PTGFRN: variants seen among roughly 807,000 people sequenced by gnomAD.
The protein encoded by PTGFRN is prostaglandin F2 receptor negative regulator.
In PTGFRN, 35 loss-of-function variants were observed where a neutral mutation model predicts 83.2. The observed-to-expected ratio is 0.42, with a 90% CI of 0.32 to 0.56. PTGFRN has a LOEUF of 0.56. PTGFRN is among the 20% of genes least tolerant of loss of function. The pLI is 0.11. For synonymous variants in PTGFRN, 519 were observed against 498.6 expected, an observed-to-expected ratio of 1.04 and a Z score of -0.55; for missense variants, 1,051 against 1,179.5, an observed-to-expected ratio of 0.89 and a Z score of 1.60.
chr1:116,913,162 T>C (rs1649316352), intron 1 of PTGFRN, among the ~76,000 whole-genome samples: 1 of 152,132 alleles, frequency 6.6e-6, no homozygotes, highest in Non-Finnish European at 1.5e-5. Flanking sequence ...CAGGACTGAA[T>C]GAAATACCTG....
intron 7 of PTGFRN, among the ~76,000 whole-genome samples, chr1:116,978,948 T>G (rs1651233850): frequency 6.6e-6 from 1 of 152,188 alleles, no homozygotes; most frequent in Non-Finnish European, 1.5e-5. Context: ...TGTTTGCAGA[T>G]GACATGATTG....
intron 1 of PTGFRN, among the ~76,000 whole-genome samples, chr1:116,940,201 A>G (rs1327585461): frequency 2.0e-5 from 3 of 152,262 alleles, no homozygotes; most frequent in Admixed American, 6.5e-5. Context: ...TCACAATGCC[A>G]GAGGCCAGAA....
intron 6 of PTGFRN, among the ~76,000 whole-genome samples, chr1:116,974,001 T>C (rs1570676046): frequency 6.6e-6 from 1 of 152,150 alleles, no homozygotes; most frequent in East Asian, 1.9e-4. Flanking sequence ...AGAGTTCTAT[T>C]TTGGTTGTAA....
chr1:116,949,017 G>A (rs1328203523), intron 3 of PTGFRN, among the ~76,000 whole-genome samples, 175 bp from the exon 4 acceptor site: 1 of 152,098 alleles, frequency 6.6e-6, no homozygotes, highest in Admixed American at 6.5e-5. Context: ...GAAGAAATGT[G>A]GTATGTTCTG....
In PTGFRN at chr1:116,967,326, C is replaced by T. The variant is rs151131304; in HGVS notation, c.2055C>T (p.Thr685=). ...LSNPIEIDFQ[T]SGPIFNASVH... The stretch of plus-strand genomic sequence containing the variant: ...ATCCTATTGAGATAGACTTCCAAAC[C>T]TCAGGTGAGCAGTGAGCCCTGTTGA... The change falls in exon 6 of 9, where the codon ACC becomes ACT. Residue 685 remains threonine (T), a synonymous_variant. Transcript: ENST00000393203. 20 of 1,607,764 alleles carry T rather than the reference C, an allele frequency of 1.2e-5. No individual in the cohort carries two copies. The highest frequency in any genetic ancestry group is 1.7e-4 in the Middle Eastern group (1 of 6,060).
rs74936860 is a variant in PTGFRN at position 116,950,217 on chromosome 1, C to A, written c.1213+645C>A. ...GTATATGTGGAGATCTTTGGCATGT[C>A]CTCTTACTTTATACTAAGCTCCTTT... On this transcript the variant is annotated intron_variant, in intron 4 of 8. Coordinates refer to ENST00000393203, the MANE Select transcript of PTGFRN (RefSeq NM_020440.4). Among the ~76,000 whole-genome samples the A allele has an allele frequency of 1.1e-4, 17 of 152,314 alleles. 1 individual carries two copies. The East Asian group carries it at 3.3e-3, about 29-fold the overall frequency.
rs971689727 is a variant in PTGFRN, at chr1:116,961,828, C to T, written c.1639+160C>T. 6.6e-6 allele frequency among the ~76,000 whole-genome samples: 1 copy of T among 152,180 alleles called. No homozygotes were observed. The highest frequency in any genetic ancestry group is 2.4e-5 in the African/African-American group (1 of 41,434). On this transcript the variant is annotated intron_variant, in intron 5 of 8. Transcript: ENST00000393203. This position sits in a 1 kb window ranked among gnomAD's most constrained non-coding sequence, Gnocchi z 5.4. Reference sequence around the variant, plus strand: ...CGACCCGTTGCACATGCTCTTTGGACTCACTATCACCCCTCCTCTGTCCCC... The same window carrying T: ...CGACCCGTTGCACATGCTCTTTGGATTCACTATCACCCCTCCTCTGTCCCC...
At chr1:116,936,242 TAAC>T (rs34454203) in intron 1 of PTGFRN, among the ~76,000 whole-genome samples, 93,529 of 151,794 alleles carry the variant, frequency 0.62, 30,081 homozygotes, top group East Asian at 0.81. Context: ...AGCTGTTATT[TAAC>T]AATATTACAA....
In PTGFRN at chr1:116,956,167, G is replaced by A. The variant is rs183559534; in HGVS notation, c.1214-5076G>A. ...AATCATATCTTCTCCAGGAGTGTAAGTCTAAAGTTGAGCTACAAGGCTGGT... is the reference window on the plus strand; with the variant it reads ...AATCATATCTTCTCCAGGAGTGTAAATCTAAAGTTGAGCTACAAGGCTGGT... On this transcript the variant is annotated intron_variant, in intron 4 of 8. Coordinates refer to ENST00000393203, the MANE Select transcript of PTGFRN (RefSeq NM_020440.4). Among the ~76,000 whole-genome samples, 406 of 152,324 alleles carry A rather than the reference G, an allele frequency of 2.7e-3. 2 individuals are homozygous for A. Among genetic ancestry groups the A allele is most frequent in the Non-Finnish European group, 4.4e-3 (301 of 68,024 alleles).
At chr1:116,980,529 A>G (rs910176369) in intron 7 of PTGFRN, among the ~76,000 whole-genome samples, 6 of 152,244 alleles carry the variant, frequency 3.9e-5, no homozygotes, top group African/African-American at 1.4e-4. Context: ...GCAGCCATAA[A>G]AAAGGATGAG....
chr1:116,923,428 T>A lies in PTGFRN; in HGVS notation c.49+13176T>A, dbSNP rs2250439. On this transcript the variant is annotated intron_variant, in intron 1 of 8. Coordinates refer to ENST00000393203, the MANE Select transcript of PTGFRN (RefSeq NM_020440.4). The surrounding 1 kb of genome is among the most constrained non-coding windows in gnomAD (Gnocchi z 4.0). Reference sequence around the variant, plus strand: ...AGGAAAAAATGAAATCTATACATGTTAAAGAAGGGGTGAGAAAAGTCTCCA... The same window carrying A: ...AGGAAAAAATGAAATCTATACATGTAAAAGAAGGGGTGAGAAAAGTCTCCA... 0.17 allele frequency among the ~76,000 whole-genome samples: 25,203 copies of A among 152,120 alleles called. 4,455 individuals carry two copies. The highest frequency in any genetic ancestry group is 0.44 in the African/African-American group (18,416 of 41,458).
At chr1:116,935,488 G>C (rs577535733) in intron 1 of PTGFRN, among the ~76,000 whole-genome samples, 3 of 152,222 alleles carry the variant, frequency 2.0e-5, no homozygotes, top group South Asian at 4.2e-4. Context: ...GAGTGAGGGT[G>C]GGGGCAGGGG....
At position 116,967,320 on chromosome 1, in the gene PTGFRN, C is replaced by G. The variant is rs1197950933; in HGVS notation, c.2049C>G (p.Phe683Leu). Reference protein sequence around the residue: ...TSLSNPIEIDFQTSGPIFNAS... With the variant: ...TSLSNPIEIDLQTSGPIFNAS... The stretch of plus-strand genomic sequence containing the variant: ...TCTCCAATCCTATTGAGATAGACTT[C>G]CAAACCTCAGGTGAGCAGTGAGCCC... The change falls in exon 6 of 9, where the codon TTC becomes TTG. Residue 683 changes from phenylalanine (F) to leucine (L), a missense_variant. Transcript: ENST00000393203. The G allele has an allele frequency of 6.2e-7, 1 of 1,609,592 alleles. No individual in the cohort carries two copies. Among genetic ancestry groups the G allele is most frequent in the Non-Finnish European group, 8.5e-7 (1 of 1,176,392 alleles).
At position 116,986,929 on chromosome 1, in the gene PTGFRN, C is replaced by T. The variant is rs1211320684; in HGVS notation, c.2602C>T (p.Arg868Cys). ...CCKKEVQETR[R>C]ERRRLMSMEM... ...TAAGAAGGAGGTTCAGGAGACACGG[C>T]GCGAGCGCCGCAGGCTCATGTCGAT... The change falls in exon 9 of 9, where the codon CGC becomes TGC. Residue 868 changes from arginine (R) to cysteine (C), a missense_variant. This residue lies in a region of PTGFRN where 719 missense variants were observed against 836.6 expected (regional missense o/e 0.86). Transcript: ENST00000393203. 3.1e-6 allele frequency: 5 copies of T among 1,614,076 alleles called. No homozygotes were observed. Among genetic ancestry groups the T allele is most frequent in the Admixed American group, 1.7e-5 (1 of 60,018 alleles).
At chr1:116,970,787 C>G (rs1159117761) in intron 6 of PTGFRN, among the ~76,000 whole-genome samples, 1 of 152,172 alleles carries the variant, frequency 6.6e-6, no homozygotes, top group African/African-American at 2.4e-5. Flanking sequence ...CCTTTGCTTC[C>G]TAAAAATCCG....
At position 116,968,513 on chromosome 1, in the gene PTGFRN, T is replaced by G. The variant is rs747155507; in HGVS notation, c.2059+1183T>G. 3.5e-4 allele frequency among the ~76,000 whole-genome samples: 54 copies of G among 152,218 alleles called. No homozygotes were observed. The Middle Eastern group carries it at 0.01, about 29-fold the overall frequency. The stretch of plus-strand genomic sequence containing the variant: ...TGGAGAAAGCATAGGCCTCCTTTAT[T>G]GTGTATCTGTTTGTTTTTAATAGCA... On this transcript the variant is annotated intron_variant, in intron 6 of 8. Transcript: ENST00000393203.
chr1:116,968,959 G>A (rs533228445), intron 6 of PTGFRN, among the ~76,000 whole-genome samples: 1 of 152,174 alleles, frequency 6.6e-6, no homozygotes, highest in South Asian at 2.1e-4. Flanking sequence ...TCTGTTGATG[G>A]ACGTTTAGAC....
chr1:116,910,468 G>T (rs1649238127), intron 1 of PTGFRN, among the ~76,000 whole-genome samples: 2 of 151,298 alleles, frequency 1.3e-5, no homozygotes, highest in South Asian at 4.1e-4. Flanking sequence ...CGCGCGCGGG[G>T]TGCAAGTGGC....
intron 7 of PTGFRN, among the ~76,000 whole-genome samples, chr1:116,983,189 G>A (rs115867228): frequency 1.3e-3 from 198 of 152,232 alleles, no homozygotes; most frequent in African/African-American, 4.4e-3. Flanking sequence ...TGGGGAACTC[G>A]CCCAGGTCAC....
Sources: gnomAD v4.1 joint callset for allele counts (sites outside exome capture counted in the v4.1 genomes callset) on GRCh38, gnomAD v4.1.1 for gene constraint, gnomAD v4.1.1 regional missense constraint, Gnocchi (gnomAD v3.1) non-coding constraint, MANE v1.5 for transcripts, NCBI Gene and HGNC (gene_info 2026-07-23, HGNC 2026-07-21) for gene names.